NLGN4X: variants seen among roughly 807,000 people sequenced by gnomAD.
NLGN4X encodes the protein neuroligin-4, X-linked.
Under a neutral mutation model 40.3 loss-of-function variants are expected in NLGN4X, and 3 were observed. That is an observed-to-expected ratio of 0.07 (90% confidence interval 0.03 to 0.19). NLGN4X has a LOEUF of 0.19. NLGN4X is among the 10% of genes least tolerant of loss of function. The pLI, the probability that NLGN4X is intolerant of heterozygous loss-of-function variation, is 1.00. For synonymous variants in NLGN4X, 270 were observed against 306.8 expected (o/e 0.88, Z 1.25); for missense variants, 382 against 708.3 (o/e 0.54, Z 5.23).
Position 6,081,888 on chromosome X carries a change from T to C in NLGN4X, c.473-52456A>G, listed in dbSNP as rs1208872311. ...CAGTCTGGAGGCGGTGCTGCCAATG[T>C]ACAGTTGCGATCAATAAAGAAGTGT... On this transcript the variant is annotated intron_variant, in intron 2 of 5. Transcript: ENST00000381095. Among the ~76,000 whole-genome samples, 7 of 112,233 alleles carry C rather than the reference T, an allele frequency of 6.2e-5. No individual in the cohort carries two copies. In the East Asian group the frequency reaches 2.0e-3, roughly 32 times the overall value.
intron 3 of NLGN4X, among the ~76,000 whole-genome samples, chrX:6,001,958 T>G (rs916884216): frequency 9.0e-6 from 1 of 111,532 alleles, no homozygotes; most frequent in Non-Finnish European, 1.9e-5. Flanking sequence ...GTAGAATATA[T>G]CTAATTGGTT....
chrX:6,110,408 G>C (rs1367847299), intron 2 of NLGN4X, among the ~76,000 whole-genome samples: 1 of 111,658 alleles, frequency 9.0e-6, no homozygotes, highest in Non-Finnish European at 1.9e-5. Context: ...AATTGCAAGG[G>C]GGCTGGGCTG....
intron 3 of NLGN4X, among the ~76,000 whole-genome samples, chrX:5,979,851 CA>C (rs1325656847): frequency 1.2e-4 from 13 of 104,350 alleles, no homozygotes; most frequent in South Asian, 4.3e-4. Flanking sequence ...TATACACACA[CA>C]GGGGTAAATT....
intron 3 of NLGN4X, among the ~76,000 whole-genome samples, chrX:6,015,525 T>C (rs1394533230): frequency 9.0e-6 from 1 of 111,503 alleles, no homozygotes; most frequent in East Asian, 2.8e-4. Flanking sequence ...TAAAGAGTTA[T>C]ATGCCTCATA....
At chrX:5,972,758 G>A (rs1175992650) in intron 3 of NLGN4X, among the ~76,000 whole-genome samples, 1 of 100,137 alleles carries the variant, frequency 1.0e-5, no homozygotes, top group Non-Finnish European at 2.1e-5. Flanking sequence ...ACAAGGTGGG[G>A]GGCGGGGGCG....
chrX:6,011,109 T>C (rs922233448), intron 3 of NLGN4X, among the ~76,000 whole-genome samples: 5 of 111,335 alleles, frequency 4.5e-5, no homozygotes, highest in African/African-American at 1.6e-4. Context: ...TAATCTATAC[T>C]TGCACCAGAA....
chrX:6,140,448 TCACACACAGACACACACACACA>T (rs1357818367), intron 2 of NLGN4X, among the ~76,000 whole-genome samples: 1 of 70,115 alleles, frequency 1.4e-5, no homozygotes, highest in Non-Finnish European at 2.6e-5. Context: ...TCAATAGCAT[TCACACACAGACACACACACACA>T]CACACACACA....
chrX:6,047,376 G>A (rs946849592), intron 2 of NLGN4X, among the ~76,000 whole-genome samples: 3 of 111,441 alleles, frequency 2.7e-5, no homozygotes, highest in Non-Finnish European at 3.8e-5. Context: ...ACTTGGGGGC[G>A]CTGAGGTGGG....
At chrX:5,974,280 T>C (rs2035111203) in intron 3 of NLGN4X, among the ~76,000 whole-genome samples, 1 of 112,211 alleles carries the variant, frequency 8.9e-6, no homozygotes, top group African/African-American at 3.2e-5. Context: ...AAATGAAACA[T>C]CATTCAGTAC....
intron 3 of NLGN4X, among the ~76,000 whole-genome samples, chrX:5,913,782 C>G (rs765691142): frequency 8.7e-4 from 98 of 112,056 alleles, no homozygotes; most frequent in South Asian, 5.6e-3. Context: ...TCATCTTGAA[C>G]TGTAGCTCCC....
intron 3 of NLGN4X, 60 bp downstream of exon 3, chrX:6,029,220 C>T (rs745598409): frequency 1.1e-4 from 131 of 1,167,956 alleles, no homozygotes; most frequent in Non-Finnish European, 9.3e-5. Context: ...CCCGTCAAAA[C>T]GAGAAGTGGA....
chrX:5,896,309 A>G (rs767795895), intron 5 of NLGN4X, among the ~76,000 whole-genome samples: 17 of 112,320 alleles, frequency 1.5e-4, no homozygotes, highest in East Asian at 5.6e-4. Context: ...TCTATTAAAG[A>G]TCTCGGAGAT....
chrX:6,142,579 C>T (rs2039970555), intron 2 of NLGN4X, among the ~76,000 whole-genome samples: 2 of 112,398 alleles, frequency 1.8e-5, no homozygotes, highest in South Asian at 7.3e-4. Context: ...TTGGTTAAAA[C>T]ATCTGTCTCA....
rs777791438 is a variant in NLGN4X at position 6,151,185 on chromosome X, C to T, written c.282G>A (p.Pro94=). 4.9e-5 allele frequency: 59 copies of T among 1,208,863 alleles called. No individual in the cohort carries two copies. Among genetic ancestry groups the T allele is most frequent in the Middle Eastern group, 4.6e-4 (2 of 4,343 alleles). Residue 94 remains proline, a synonymous_variant, in exon 2 of 6, where the codon CCG becomes CCA. Transcript: ENST00000381095. ...GERRFQPPEP[P]SSWTGIRNTT... ...TATTTCGGATGCCAGTCCAGGAGGA[C>T]GGGGGTTCTGGGGGCTGAAACCGCC...
intron 5 of NLGN4X, among the ~76,000 whole-genome samples, chrX:5,894,588 A>G (rs948626837): frequency 6.3e-5 from 7 of 111,658 alleles, no homozygotes; most frequent in African/African-American, 2.3e-4. Flanking sequence ...TGAGCCAAAG[A>G]ATTATCTTCT....
intron 1 of NLGN4X, among the ~76,000 whole-genome samples, chrX:6,202,057 G>A (rs886276273): frequency 1.8e-5 from 2 of 110,784 alleles, no homozygotes; most frequent in African/African-American, 6.6e-5. Context: ...AAAATTAGAA[G>A]AATAGATTTG....
intron 2 of NLGN4X, among the ~76,000 whole-genome samples, chrX:6,122,228 CTTTAT>C (rs2039441097): frequency 9.0e-6 from 1 of 110,725 alleles, no homozygotes; most frequent in Non-Finnish European, 1.9e-5. Context: ...AGAGGTGGGC[CTTTAT>C]TTTTTGTTTT....
intron 3 of NLGN4X, among the ~76,000 whole-genome samples, chrX:5,957,345 G>A (rs983619594): frequency 7.2e-5 from 8 of 111,579 alleles, no homozygotes; most frequent in South Asian, 3.8e-4. Flanking sequence ...CAGAAAAAAC[G>A]GGGAGAGGAG....
chrX:6,095,942 T>C (rs1356666070), intron 2 of NLGN4X, among the ~76,000 whole-genome samples: 1 of 112,283 alleles, frequency 8.9e-6, no homozygotes, highest in Non-Finnish European at 1.9e-5. Context: ...CATCTGAATA[T>C]GGAGGCTGCA....
Sources: gnomAD v4.1 joint callset for allele counts (sites outside exome capture counted in the v4.1 genomes callset) on GRCh38, gnomAD v4.1.1 for gene constraint, MANE v1.5 for transcripts, NCBI Gene and HGNC (gene_info 2026-07-23, HGNC 2026-07-21) for gene names.